Variants in CNOT10 observed in about 807,000 individuals in gnomAD.
CNOT10 encodes the protein CCR4-NOT transcription complex subunit 10, also known as CCR4-NOT transcription complex, subunit 10.
In CNOT10, 30 loss-of-function variants were observed where a neutral mutation model predicts 94.6. That is an observed-to-expected ratio of 0.32 (90% CI 0.24 to 0.43). The LOEUF is 0.43. Among genes scored for constraint, CNOT10 ranks in the 20% least tolerant of loss-of-function variants. The pLI, the probability that CNOT10 is intolerant of heterozygous loss-of-function variation, is 1.00. For missense variants in CNOT10, 759 were observed against 877.2 expected, an observed-to-expected ratio of 0.87 and a Z score of 1.70; for synonymous variants, 289 against 301.6, an observed-to-expected ratio of 0.96 and a Z score of 0.43.
chr3:32,719,583 T>C (rs1698279652), intron 7 of CNOT10, among the ~76,000 whole-genome samples: 2 of 152,356 alleles, frequency 1.3e-5, no homozygotes, highest in South Asian at 2.1e-4. Context: ...ATTCAAAACG[T>C]GATCTTTGGA....
intron 17 of CNOT10, 174 bp from the exon 18 acceptor site, chr3:32,769,713 G>C: frequency 1.8e-6 from 1 of 571,382 alleles, no homozygotes; most frequent in Admixed American, 2.9e-5. Context: ...TTAATTGTTA[G>C]GTTTTAAGAC....
At chr3:32,719,454 C>T (rs555008463) in intron 7 of CNOT10, among the ~76,000 whole-genome samples, 1 of 152,114 alleles carries the variant, frequency 6.6e-6, no homozygotes, top group Non-Finnish European at 1.5e-5. Flanking sequence ...TTCCAGATGT[C>T]CTCCTGGATG....
intron 1 of CNOT10, among the ~76,000 whole-genome samples, chr3:32,699,875 T>C (rs965067171): frequency 1.3e-5 from 2 of 152,138 alleles, no homozygotes; most frequent in Admixed American, 1.3e-4. Context: ...AGGGGTAAAC[T>C]TGGGGACAAG....
chr3:32,765,139 T>C (rs1700610549), intron 17 of CNOT10: 3 of 445,500 alleles, frequency 6.7e-6, no homozygotes, highest in Non-Finnish European at 1.2e-5. Context: ...GCCAATATGG[T>C]GAAACCCCAT....
rs911870740 is a variant in CNOT10, at chr3:32,701,422, C to A, written c.23-2446C>A. ...TAGACTCTTTTGAAAAAATAAAAAA[C>A]CAAAAAACAATGACCTAATGATATC... On this transcript the variant is annotated intron_variant, in intron 1 of 18. Coordinates refer to ENST00000328834, the MANE Select transcript of CNOT10 (RefSeq NM_015442.3). 5.3e-5 allele frequency among the ~76,000 whole-genome samples: 8 copies of A among 151,968 alleles called. No homozygotes were observed. The East Asian group carries it at 7.7e-4, about 15-fold the overall frequency.
chr3:32,719,244 G>A (rs866735635), intron 7 of CNOT10, among the ~76,000 whole-genome samples: 13 of 151,936 alleles, frequency 8.6e-5, no homozygotes, highest in East Asian at 5.8e-4. Context: ...GCGAGACTCC[G>A]TCTAAAAACA....
chr3:32,742,621 A>T (rs918866890), intron 13 of CNOT10, among the ~76,000 whole-genome samples: 2 of 152,076 alleles, frequency 1.3e-5, no homozygotes, highest in African/African-American at 4.8e-5. Flanking sequence ...AGCTCAAGTG[A>T]TCTGCCCGCC....
intron 13 of CNOT10, among the ~76,000 whole-genome samples, chr3:32,743,906 C>G (rs115944161): frequency 1.3e-5 from 2 of 151,920 alleles, no homozygotes; most frequent in Non-Finnish European, 2.9e-5. Context: ...GGAATGCCGT[C>G]ATCATAAAGT....
In CNOT10 at chr3:32,713,098, T is replaced by C. The variant is rs896143286; in HGVS notation, c.431-129T>C. ...TGCTTTCATTCGTGGCTCTAGGTGA[T>C]AGGCATTCATTTGAGTAAAGACTTA... On this transcript the variant is annotated intron_variant, in intron 4 of 18. Transcript: ENST00000328834. 4.6e-6 allele frequency: 3 copies of C among 659,228 alleles called. No homozygotes were observed. In the African/African-American group the frequency reaches 5.6e-5, roughly 12 times the overall value. The allele number at this position is 659,228 out of a possible 1,614,324, so 40.8% of individuals were successfully genotyped here.
At chr3:32,720,269 T>C in intron 8 of CNOT10, 38 bp downstream of exon 8, 1 of 1,061,738 alleles carries the variant, frequency 9.4e-7, no homozygotes, top group Non-Finnish European at 1.4e-6. Context: ...TTTTTTTGCC[T>C]TGCTCTTCTA....
intron 13 of CNOT10, among the ~76,000 whole-genome samples, chr3:32,746,279 A>G (rs79336262): frequency 0.034 from 5,151 of 152,264 alleles, 140 homozygotes; most frequent in Non-Finnish European, 0.055. Flanking sequence ...TTCTGTGGAC[A>G]GGGTTGCAGG....
intron 1 of CNOT10, chr3:32,695,833 A>G (rs1247030970): frequency 6.5e-7 from 1 of 1,532,430 alleles, no homozygotes; most frequent in African/African-American, 1.4e-5. Flanking sequence ...GTCTGGTAAG[A>G]AGTCAGTAGT....
chr3:32,686,127 T>C (rs533883235), intron 1 of CNOT10, among the ~76,000 whole-genome samples: 5 of 152,176 alleles, frequency 3.3e-5, no homozygotes, highest in Non-Finnish European at 2.9e-5. Context: ...ACTTAATTGC[T>C]CTAGTTCCTC....
At chr3:32,741,143 A>G (rs181180371) in intron 13 of CNOT10, among the ~76,000 whole-genome samples, 140 of 152,288 alleles carry the variant, frequency 9.2e-4, no homozygotes, top group African/African-American at 3.0e-3. Flanking sequence ...TTGTCTTTCA[A>G]AAATGTTATA....
At position 32,727,627 on chromosome 3, in the gene CNOT10, G is replaced by A. The variant is rs769312523; in HGVS notation, c.1013-41G>A. 4 of 1,296,486 alleles carry A rather than the reference G, an allele frequency of 3.1e-6. No homozygotes were observed. The Admixed American group carries it at 5.1e-5, about 16-fold the overall frequency. The allele number at this position is 1,296,486 out of a possible 1,614,324, so 80.3% of individuals were successfully genotyped here. A position where few individuals can be genotyped will look rare whatever the true frequency, so the allele number is the denominator to read the frequency against. ...AAATGTTTTCAAGGTTACTATTACTGTAAATCTAATGATGTATTCTTATCT... is the reference window on the plus strand; with the variant it reads ...AAATGTTTTCAAGGTTACTATTACTATAAATCTAATGATGTATTCTTATCT... On this transcript the variant is annotated intron_variant, in intron 9 of 18. Coordinates refer to ENST00000328834, the MANE Select transcript of CNOT10 (RefSeq NM_015442.3).
chr3:32,726,371 A>T (rs1009700123), intron 9 of CNOT10, among the ~76,000 whole-genome samples: 1 of 152,118 alleles, frequency 6.6e-6, no homozygotes, highest in Non-Finnish European at 1.5e-5. Context: ...AAATGCCTAA[A>T]ATCAAACAAT....
intron 8 of CNOT10, among the ~76,000 whole-genome samples, chr3:32,724,114 A>G (rs1698542510): frequency 2.0e-5 from 3 of 152,134 alleles, no homozygotes; most frequent in Admixed American, 2.0e-4. Context: ...GTGAAAGACA[A>G]GAGGCAACAC....
chr3:32,703,996 G>A (rs1251485013), intron 2 of CNOT10, 34 bp downstream of exon 2: 2 of 1,329,310 alleles, frequency 1.5e-6, no homozygotes, highest in Middle Eastern at 1.8e-4. Flanking sequence ...TGCTCAAGTT[G>A]TAGGGTTCTG....
At chr3:32,702,034 G>A (rs1424668390) in intron 1 of CNOT10, among the ~76,000 whole-genome samples, 2 of 151,266 alleles carry the variant, frequency 1.3e-5, no homozygotes, top group South Asian at 2.1e-4. Flanking sequence ...TCCTGACCTC[G>A]TGATCCACCC....
Sources: allele counts gnomAD v4.1 joint callset (sites outside exome capture counted in the v4.1 genomes callset), GRCh38; gene constraint gnomAD v4.1.1; transcripts MANE v1.5; gene names NCBI Gene and HGNC (gene_info 2026-07-23, HGNC 2026-07-21).